Variants in PRKN observed in about 807,000 individuals in gnomAD.
PRKN encodes parkin RBR E3 ubiquitin protein ligase, also known as E3 ubiquitin-protein ligase parkin.
Under a neutral mutation model 59.5 loss-of-function variants are expected in PRKN, and 56 were observed. That is an observed-to-expected ratio of 0.94 (90% CI 0.76 to 1.18). PRKN has a LOEUF of 1.18. Among genes scored for constraint, PRKN ranks in the 50% most tolerant of loss-of-function variants. The pLI is 0.00. For missense variants in PRKN, 657 were observed against 596.4 expected (o/e 1.10, Z -1.06); for synonymous variants, 250 against 222.1 (o/e 1.13, Z -1.12).
At chr6:162,541,071 T>C (rs892788967) in intron 1 of PRKN, among the ~76,000 whole-genome samples, 7 of 152,180 alleles carry the variant, frequency 4.6e-5, no homozygotes, top group Non-Finnish European at 8.8e-5. Context: ...CCCTGTACGA[T>C]GGAGGCCTCT....
intron 1 of PRKN, among the ~76,000 whole-genome samples, chr6:162,535,509 G>C (rs1028583942): frequency 6.6e-6 from 1 of 152,000 alleles, no homozygotes; most frequent in African/African-American, 2.4e-5. Flanking sequence ...TGGTGTGTGT[G>C]TGTCTATATA....
At position 162,006,733 on chromosome 6, in the gene PRKN, G is replaced by A. The variant is rs564831091; in HGVS notation, c.619-33316C>T. On this transcript the variant is annotated intron_variant, in intron 5 of 11. Transcript: ENST00000366898. ...ATCTTGCCATTTGGGGCTGAGTTCA[G>A]CATCCTAAAGCAGCCTCCCACCCTT... Among the ~76,000 whole-genome samples the A allele has an allele frequency of 2.0e-5, 3 of 152,274 alleles. No individual in the cohort carries two copies. In the South Asian group the frequency reaches 6.2e-4, roughly 32 times the overall value.
intron 4 of PRKN, among the ~76,000 whole-genome samples, chr6:162,131,785 A>G (rs1781370277): frequency 6.6e-6 from 1 of 152,260 alleles, no homozygotes. Flanking sequence ...ATCTTCTAAT[A>G]AAGACTTAAA....
At chr6:161,755,589 G>C (rs9355928) in intron 7 of PRKN, among the ~76,000 whole-genome samples, 1 of 151,830 alleles carries the variant, frequency 6.6e-6, no homozygotes, top group Non-Finnish European at 1.5e-5. Context: ...CCTCGACTAC[G>C]GCAAGCAGAA....
intron 9 of PRKN, among the ~76,000 whole-genome samples, chr6:161,394,720 T>C (rs995774754): frequency 6.6e-6 from 1 of 152,144 alleles, no homozygotes. Context: ...GATGAGTTCA[T>C]GCAATGAGGA....
chr6:162,216,638 G>A (rs1461277257), intron 3 of PRKN, among the ~76,000 whole-genome samples: 3 of 149,888 alleles, frequency 2.0e-5, no homozygotes, highest in Admixed American at 6.7e-5. Flanking sequence ...CGGCAGGAAT[G>A]TGATCTAGTT....
intron 10 of PRKN, among the ~76,000 whole-genome samples, chr6:161,384,536 C>T (rs1245994783): frequency 6.6e-6 from 1 of 152,078 alleles, no homozygotes; most frequent in African/African-American, 2.4e-5. Flanking sequence ...CAGTGAGACC[C>T]TGGTTCAAAA....
intron 2 of PRKN, among the ~76,000 whole-genome samples, chr6:162,338,165 C>T (rs1336801446): frequency 6.6e-6 from 1 of 152,060 alleles, no homozygotes; most frequent in East Asian, 1.9e-4. Flanking sequence ...CCAGGAGAGA[C>T]AAATGTACAA....
At position 161,498,261 on chromosome 6, in the gene PRKN, T is replaced by C. The variant is rs1484721619; in HGVS notation, c.1083+50593A>G. Among the ~76,000 whole-genome samples, 1 of 152,212 alleles carries C rather than the reference T, an allele frequency of 6.6e-6. No homozygotes were observed. The highest frequency in any genetic ancestry group is 2.4e-5 in the African/African-American group (1 of 41,456). ...GTATCATGTTATAGAGTGTATTAAT[T>C]AATAAATGGAATATTTAGCTTTTTA... On this transcript the variant is annotated intron_variant, in intron 9 of 11. Coordinates refer to ENST00000366898, the MANE Select transcript of PRKN (RefSeq NM_004562.3). The surrounding 1 kb of genome is among the most constrained non-coding windows in gnomAD (Gnocchi z 4.2).
chr6:162,044,030 G>A (rs1784163276), intron 5 of PRKN, among the ~76,000 whole-genome samples: 1 of 152,170 alleles, frequency 6.6e-6, no homozygotes, highest in Non-Finnish European at 1.5e-5. Flanking sequence ...GTTGTGTTCT[G>A]AGTTTTAGGG....
intron 2 of PRKN, among the ~76,000 whole-genome samples, chr6:162,335,599 C>A (rs904212539): frequency 6.6e-6 from 1 of 152,040 alleles, no homozygotes; most frequent in Non-Finnish European, 1.5e-5. Context: ...TATGTTTATG[C>A]CAACAACATA....
rs145991706 is a variant in PRKN, at chr6:162,208,869, C to T, written c.413-7617G>A. Reference sequence around the variant, plus strand: ...TGTCCATCTTGGCTTAAAGAGGCAGCACCTATGGGAAAACTGGCTAGCCAT... The same window carrying T: ...TGTCCATCTTGGCTTAAAGAGGCAGTACCTATGGGAAAACTGGCTAGCCAT... On this transcript the variant is annotated intron_variant, in intron 3 of 11. Coordinates refer to ENST00000366898, the MANE Select transcript of PRKN (RefSeq NM_004562.3). Among the ~76,000 whole-genome samples the T allele has an allele frequency of 4.1e-4, 63 of 152,194 alleles. 1 individual carries two copies. The East Asian group carries it at 7.7e-3, about 19-fold the overall frequency.
At position 161,550,731 on chromosome 6, in the gene PRKN, GT is replaced by G. The variant is rs375333447; in HGVS notation, c.934-1729del. Among the ~76,000 whole-genome samples, 17 of 115,884 alleles carry G rather than the reference GT, an allele frequency of 1.5e-4. No individual in the cohort carries two copies. The highest frequency in any genetic ancestry group is 5.8e-4 in the African/African-American group (17 of 29,092). 76.0% of individuals were successfully genotyped at this position (115,884 alleles called of 152,430 possible). ...GTGGTAGAAGAAAGGGTATGTGTGT[GT>G]GTGCACGTGTGTGTGTGTGTGTGTG... On this transcript the variant is annotated intron_variant, in intron 8 of 11. Transcript: ENST00000366898. This position sits in a 1 kb window ranked among gnomAD's most constrained non-coding sequence, Gnocchi z 4.0.
intron 11 of PRKN, among the ~76,000 whole-genome samples, chr6:161,358,588 C>T (rs1171777674): frequency 2.0e-5 from 3 of 152,132 alleles, no homozygotes; most frequent in South Asian, 2.1e-4. Flanking sequence ...GCACCCCAGC[C>T]TGGGCTACAG....
At chr6:162,477,080 T>G (rs918282662) in intron 1 of PRKN, among the ~76,000 whole-genome samples, 1 of 152,206 alleles carries the variant, frequency 6.6e-6, no homozygotes, top group African/African-American at 2.4e-5. Flanking sequence ...AGAGGTCAGT[T>G]TTTGAGCAAA....
At chr6:161,609,234 A>AT (rs1299796486) in intron 7 of PRKN, among the ~76,000 whole-genome samples, 1 of 152,186 alleles carries the variant, frequency 6.6e-6, no homozygotes, top group Non-Finnish European at 1.5e-5. Context: ...TTTACTTTTA[A>AT]TTTTTTATAC....
At chr6:162,605,056 A>C (rs1306049919) in intron 1 of PRKN, among the ~76,000 whole-genome samples, 1 of 152,332 alleles carries the variant, frequency 6.6e-6, no homozygotes, top group African/African-American at 2.4e-5. Flanking sequence ...CTAATCATAA[A>C]GTATATATCA....
chr6:162,178,904 G>A (rs1013427981), intron 4 of PRKN, among the ~76,000 whole-genome samples: 2 of 152,066 alleles, frequency 1.3e-5, no homozygotes, highest in Non-Finnish European at 1.5e-5. Flanking sequence ...AGGGCTCTCC[G>A]TCTGTCACTG....
chr6:161,455,179 C>T (rs1270655824), intron 9 of PRKN, among the ~76,000 whole-genome samples: 3 of 151,918 alleles, frequency 2.0e-5, no homozygotes, highest in Non-Finnish European at 2.9e-5. Context: ...GCTGGAATTA[C>T]AGGCGCCTGC....
Sources: gnomAD v4.1 joint callset for allele counts (sites outside exome capture counted in the v4.1 genomes callset) on GRCh38, gnomAD v4.1.1 for gene constraint, Gnocchi (gnomAD v3.1) non-coding constraint, MANE v1.5 for transcripts, NCBI Gene and HGNC (gene_info 2026-07-23, HGNC 2026-07-21) for gene names.